ADAMTSL3: variants seen among roughly 807,000 people sequenced by gnomAD.
The protein encoded by ADAMTSL3 is ADAMTS like 3, also known as ADAMTS-like protein 3.
ADAMTSL3 carries 128 observed loss-of-function variants against 201.7 expected under a neutral mutation model. That is an observed-to-expected ratio of 0.63 (90% CI 0.55 to 0.73). ADAMTSL3 has a LOEUF of 0.73. ADAMTSL3 is among the 30% of genes least tolerant of loss of function. The pLI, the probability that ADAMTSL3 is intolerant of heterozygous loss-of-function variation, is 0.00. For synonymous variants in ADAMTSL3, 738 were observed against 748.4 expected (o/e 0.99, Z 0.23); for missense variants, 1,990 against 2,119.6 (o/e 0.94, Z 1.20).
intron 3 of ADAMTSL3, among the ~76,000 whole-genome samples, chr15:83,708,306 T>G (rs1252241173): frequency 2.6e-5 from 4 of 151,988 alleles, no homozygotes; most frequent in Admixed American, 6.5e-5. Flanking sequence ...ATTTGCTGTC[T>G]TGGATGAACC....
At chr15:83,672,536 G>A (rs1166091225) in intron 2 of ADAMTSL3, among the ~76,000 whole-genome samples, 3 of 152,190 alleles carry the variant, frequency 2.0e-5, no homozygotes, top group Non-Finnish European at 4.4e-5. Context: ...CAGCCTGAAT[G>A]TGAGGGACAT....
chr15:83,863,637 C>T (rs1331201399), intron 8 of ADAMTSL3, among the ~76,000 whole-genome samples: 1 of 152,158 alleles, frequency 6.6e-6, no homozygotes, highest in Non-Finnish European at 1.5e-5. Flanking sequence ...AAATTTATAG[C>T]ACTAAATGCC....
intron 4 of ADAMTSL3, among the ~76,000 whole-genome samples, chr15:83,785,455 G>A (rs532687242): frequency 8.3e-4 from 126 of 152,190 alleles, no homozygotes; most frequent in Non-Finnish European, 1.4e-3. Flanking sequence ...CTTGGTGTAC[G>A]GTGTTGCTTA....
intron 23 of ADAMTSL3, among the ~76,000 whole-genome samples, chr15:84,002,304 G>A (rs182393487): frequency 6.6e-6 from 1 of 152,172 alleles, no homozygotes; most frequent in East Asian, 1.9e-4. Context: ...ATTGAGTGTC[G>A]CCATGTCTTG....
chr15:83,827,699 G>A (rs59693358), intron 6 of ADAMTSL3, among the ~76,000 whole-genome samples: 2,506 of 152,250 alleles, frequency 0.016, 77 homozygotes, highest in African/African-American at 0.056. Context: ...TAAGGTGCAA[G>A]GAAGGGATCC....
chr15:83,698,875 A>G (rs537214052), intron 2 of ADAMTSL3, among the ~76,000 whole-genome samples: 3 of 152,196 alleles, frequency 2.0e-5, no homozygotes, highest in African/African-American at 7.2e-5. Context: ...AGCAGCATTC[A>G]AGACACTTGA....
intron 20 of ADAMTSL3, among the ~76,000 whole-genome samples, chr15:83,981,302 T>C (rs2067380954): frequency 6.6e-6 from 1 of 152,194 alleles, no homozygotes. Flanking sequence ...GCCTAGCCCA[T>C]TAAGAGGAGC....
At chr15:83,766,913 G>A (rs2062901201) in intron 3 of ADAMTSL3, among the ~76,000 whole-genome samples, 1 of 152,120 alleles carries the variant, frequency 6.6e-6, no homozygotes, top group African/African-American at 2.4e-5. Flanking sequence ...TGGCCAACAT[G>A]GTGAAACCCT....
chr15:83,795,254 A>G (rs531894480), intron 4 of ADAMTSL3, among the ~76,000 whole-genome samples: 8,580 of 97,302 alleles, frequency 0.088, 817 homozygotes, highest in African/African-American at 0.29. Context: ...AACAACAACA[A>G]CAGCAGCAGC....
intron 9 of ADAMTSL3, among the ~76,000 whole-genome samples, chr15:83,880,201 T>C (rs1045288921): frequency 1.3e-5 from 2 of 152,088 alleles, no homozygotes; most frequent in African/African-American, 4.8e-5. Flanking sequence ...TCATTTATTA[T>C]CTCTTCAGAT....
At position 84,006,776 on chromosome 15, in the gene ADAMTSL3, C is replaced by G. The variant is rs149183676; in HGVS notation, c.3974-7766C>G. On this transcript the variant is annotated intron_variant, in intron 23 of 29. Coordinates refer to ENST00000286744, the MANE Select transcript of ADAMTSL3 (RefSeq NM_207517.3). ...ATAAAGAGCAGTGGTGCGAAGAAAT[C>G]TGTCTGAATTTCCTCTGGCCTGTTC... 6.6e-5 allele frequency among the ~76,000 whole-genome samples: 10 copies of G among 152,330 alleles called. No individual in the cohort carries two copies. The East Asian group carries it at 1.9e-3, about 29-fold the overall frequency.
chr15:83,913,107 C>T lies in ADAMTSL3; in HGVS notation c.1716C>T (p.Pro572=). ...TTTTCCCTAGGTTCATTCCAGAACC[C>T]TGGTCAGCCTGCAGTACCACGTGTG... is the stretch of plus-strand genomic sequence containing the variant. ...ATEEPTFIPE[P]WSACSTTCGP... The change falls in exon 16 of 30, where the codon CCC becomes CCT. Residue 572 remains proline, a synonymous_variant. Transcript: ENST00000286744. The T allele has an allele frequency of 1.9e-6, 3 of 1,614,026 alleles. No homozygotes were observed. The highest frequency in any genetic ancestry group is 2.5e-6 in the Non-Finnish European group (3 of 1,180,010).
chr15:84,037,046 G>T, intron 29 of ADAMTSL3, 59 bp downstream of exon 29: 1 of 1,540,812 alleles, frequency 6.5e-7, no homozygotes, highest in Non-Finnish European at 8.9e-7. Context: ...ATCAGATCCT[G>T]ATGCTACCAT....
chr15:83,946,556 T>A (rs1322692915), intron 19 of ADAMTSL3, among the ~76,000 whole-genome samples: 1 of 152,196 alleles, frequency 6.6e-6, no homozygotes, highest in Non-Finnish European at 1.5e-5. Flanking sequence ...GCCATGGGAT[T>A]GCCAACAGGT....
chr15:83,792,637 G>A (rs1172227349), intron 4 of ADAMTSL3, among the ~76,000 whole-genome samples: 2 of 152,050 alleles, frequency 1.3e-5, no homozygotes, highest in African/African-American at 4.8e-5. Context: ...TACAAAATTA[G>A]CCAGGCATGG....
At chr15:83,877,504 T>C (rs78677786) in intron 9 of ADAMTSL3, among the ~76,000 whole-genome samples, 3,901 of 152,324 alleles carry the variant, frequency 0.026, 177 homozygotes, top group African/African-American at 0.086. Flanking sequence ...AGATATCTAC[T>C]GTAGCATTAA....
intron 4 of ADAMTSL3, among the ~76,000 whole-genome samples, chr15:83,783,125 AGAGTAAAATTAATTTAAAGT>A (rs2141795999): frequency 6.9e-6 from 1 of 144,440 alleles, no homozygotes; most frequent in East Asian, 2.4e-4. Context: ...AATTCAGAAG[AGAGTAAAATTAATTTAAAGT>A]GTTCAAATGT....
At chr15:83,923,137 G>A (rs1411635646) in intron 16 of ADAMTSL3, among the ~76,000 whole-genome samples, 1 of 152,122 alleles carries the variant, frequency 6.6e-6, no homozygotes. Flanking sequence ...TTGCATTTTA[G>A]AATCCCTAGA....
intron 2 of ADAMTSL3, among the ~76,000 whole-genome samples, chr15:83,685,336 T>G (rs890586932): frequency 1.3e-5 from 2 of 152,202 alleles, no homozygotes; most frequent in Non-Finnish European, 2.9e-5. Context: ...TTGTAGTTTC[T>G]CTCTAGAAAT....
Sources: allele counts gnomAD v4.1 joint callset (sites outside exome capture counted in the v4.1 genomes callset), GRCh38; gene constraint gnomAD v4.1.1; transcripts MANE v1.5; gene names NCBI Gene and HGNC (gene_info 2026-07-23, HGNC 2026-07-21).